The following STPG2 variants were observed in gnomAD, a reference collection of about 807,000 sequenced individuals.
STPG2 encodes the protein sperm tail PG-rich repeat containing 2, also known as sperm-tail PG-rich repeat-containing protein 2.
Under a neutral mutation model 54.2 loss-of-function variants are expected in STPG2, and 56 were observed. That is an observed-to-expected ratio of 1.03 (90% confidence interval 0.83 to 1.29). STPG2 has a LOEUF of 1.29. Among genes scored for constraint, STPG2 ranks in the 50% most tolerant of loss-of-function variants. The pLI, the probability that STPG2 is intolerant of heterozygous loss-of-function variation, is 0.00. For missense variants in STPG2, 596 were observed against 544.9 expected, an observed-to-expected ratio of 1.09 and a Z score of -0.93; for synonymous variants, 200 against 181.8, an observed-to-expected ratio of 1.10 and a Z score of -0.81.
intron 4 of STPG2, among the ~76,000 whole-genome samples, chr4:97,519,110 C>A (rs968574128): frequency 6.6e-6 from 1 of 151,568 alleles, no homozygotes; most frequent in African/African-American, 2.4e-5. Flanking sequence ...GATTTAAGAC[C>A]GAATAATTTA....
At chr4:97,706,132 T>C (rs1423219989) in intron 10 of STPG2, among the ~76,000 whole-genome samples, 1 of 152,124 alleles carries the variant, frequency 6.6e-6, no homozygotes, top group Non-Finnish European at 1.5e-5. Context: ...TCGTAAGTAG[T>C]GGAACTCTTT....
intron 10 of STPG2, among the ~76,000 whole-genome samples, chr4:97,636,571 TCAACAAAATTGATAGACTGCTAG>T (rs1173319572): frequency 6.7e-6 from 1 of 148,740 alleles, no homozygotes; most frequent in African/African-American, 2.5e-5. Flanking sequence ...TTTGAAAGGA[TCAACAAAATTGATAGACTGCTAG>T]CAAGACTAAT....
downstream of STPG2, among the ~76,000 whole-genome samples, chr4:97,556,319 A>G (rs1186048672): frequency 1.3e-5 from 2 of 152,166 alleles, no homozygotes; most frequent in Non-Finnish European, 2.9e-5. Context: ...GTTATTGGAG[A>G]GGAATGAGCC....
intron 5 of STPG2, among the ~76,000 whole-genome samples, chr4:98,055,839 C>A (rs1183998185): frequency 6.6e-6 from 1 of 152,134 alleles, no homozygotes; most frequent in East Asian, 1.9e-4. Context: ...TCTCTCAGGG[C>A]CCAGCCTGGC....
chr4:97,539,320 C>T (rs9714892), intron 4 of STPG2, among the ~76,000 whole-genome samples: 96,870 of 151,958 alleles, frequency 0.64, 32,105 homozygotes, highest in African/African-American at 0.83. Context: ...GAGACACAGA[C>T]AGGCTCAAAA....
At chr4:97,575,748 C>T (rs1732706916) in intron 10 of STPG2, among the ~76,000 whole-genome samples, 1 of 151,986 alleles carries the variant, frequency 6.6e-6, no homozygotes, top group Non-Finnish European at 1.5e-5. Context: ...TGCCATAGTA[C>T]TAGAAGTCCT....
intron 8 of STPG2, among the ~76,000 whole-genome samples, chr4:97,934,969 G>T (rs547640635): frequency 6.6e-6 from 1 of 152,286 alleles, no homozygotes; most frequent in Non-Finnish European, 1.5e-5. Flanking sequence ...GAATTTGTCT[G>T]TGAATTCATC....
At chr4:97,717,185 A>G (rs1724316007) in intron 9 of STPG2, among the ~76,000 whole-genome samples, 1 of 152,182 alleles carries the variant, frequency 6.6e-6, no homozygotes, top group Non-Finnish European at 1.5e-5. Context: ...AGGTAAGAGA[A>G]AAAAGAGTCC....
chr4:97,639,057 G>A (rs1319849168), intron 10 of STPG2, among the ~76,000 whole-genome samples: 1 of 151,980 alleles, frequency 6.6e-6, no homozygotes, highest in Non-Finnish European at 1.5e-5. Context: ...TATGTTTATT[G>A]CGGCATTATT....
chr4:97,660,133 G>C (rs1232474000), intron 10 of STPG2, among the ~76,000 whole-genome samples: 1 of 151,902 alleles, frequency 6.6e-6, no homozygotes, highest in African/African-American at 2.4e-5. Flanking sequence ...CTCCTGAGTA[G>C]CTGGGACTAC....
rs536257417 is a variant in STPG2, at chr4:97,790,646, G to A, written c.1204+50127C>T. ...CTTGACTCCCCTCCTCCCTCCTCGAGGCCATCAAGGAAAGGTCAAGCTTCT... is the reference window on the plus strand; with the variant it reads ...CTTGACTCCCCTCCTCCCTCCTCGAAGCCATCAAGGAAAGGTCAAGCTTCT... On this transcript the variant is annotated intron_variant, in intron 9 of 10. Coordinates refer to ENST00000295268, the MANE Select transcript of STPG2 (RefSeq NM_174952.3). Among the ~76,000 whole-genome samples the A allele has an allele frequency of 2.6e-3, 401 of 152,130 alleles. 1 individual carries two copies. The highest frequency in any genetic ancestry group is 9.2e-3 in the African/African-American group (383 of 41,512).
chr4:98,047,334 C>A (rs1578811044), intron 5 of STPG2, among the ~76,000 whole-genome samples: 1 of 151,958 alleles, frequency 6.6e-6, no homozygotes, highest in Non-Finnish European at 1.5e-5. Flanking sequence ...GCATGAGGAG[C>A]GCCCATACAC....
chr4:97,559,880 A>T (rs532459079), intron 10 of STPG2, among the ~76,000 whole-genome samples: 6 of 152,322 alleles, frequency 3.9e-5, no homozygotes, highest in Admixed American at 1.3e-4. Context: ...ATAAATATAT[A>T]GTAAGAGCCT....
chr4:98,131,059 T>C (rs985794060), intron 2 of STPG2, among the ~76,000 whole-genome samples: 8 of 151,970 alleles, frequency 5.3e-5, no homozygotes, highest in Admixed American at 2.6e-4. Flanking sequence ...TATATCACAC[T>C]ATCAAACACT....
chr4:97,890,934 T>G (rs1369087086), intron 8 of STPG2, among the ~76,000 whole-genome samples: 2 of 151,886 alleles, frequency 1.3e-5, no homozygotes, highest in African/African-American at 4.8e-5. Context: ...TTCACGTTTT[T>G]CATAGAAATA....
At chr4:97,545,904 G>A (rs969707876) in intron 4 of STPG2, among the ~76,000 whole-genome samples, 2 of 152,018 alleles carry the variant, frequency 1.3e-5, no homozygotes, top group African/African-American at 2.4e-5. Flanking sequence ...ATCTCTTTGT[G>A]CAATTCCATG....
chr4:97,812,492 C>T (rs1270798576), intron 9 of STPG2, among the ~76,000 whole-genome samples: 1 of 152,002 alleles, frequency 6.6e-6, no homozygotes, highest in Non-Finnish European at 1.5e-5. Flanking sequence ...AGAGGCTTTT[C>T]ATACTTATTT....
chr4:97,694,812 C>CAAAAAAAAAAAAA (rs70953083), intron 10 of STPG2, among the ~76,000 whole-genome samples: 4 of 44,044 alleles, frequency 9.1e-5, no homozygotes, highest in Non-Finnish European at 1.7e-4. Context: ...GACTCTGTCA[C>CAAAAAAAAAAAAA]AAAAAAAAAA....
intron 5 of STPG2, among the ~76,000 whole-genome samples, chr4:98,045,604 G>A (rs1737099678): frequency 6.6e-6 from 1 of 152,006 alleles, no homozygotes; most frequent in African/African-American, 2.4e-5. Flanking sequence ...AGTAGGATAG[G>A]TTTGCTCATA....
Sources: allele counts gnomAD v4.1 joint callset (sites outside exome capture counted in the v4.1 genomes callset), GRCh38; gene constraint gnomAD v4.1.1; transcripts MANE v1.5; gene names NCBI Gene and HGNC (gene_info 2026-07-23, HGNC 2026-07-21).